SPIDR: variants seen among roughly 807,000 people sequenced by gnomAD.
SPIDR encodes the protein scaffold protein involved in DNA repair.
SPIDR carries 93 observed loss-of-function variants against 104.6 expected under a neutral mutation model. The observed-to-expected ratio is 0.89, with a 90% CI of 0.75 to 1.06. The LOEUF (loss-of-function observed/expected upper bound fraction) is 1.06, where lower values mean the gene tolerates loss of function less well. Ranked by LOEUF, SPIDR falls within the 50% of genes least tolerant of loss-of-function variation. The pLI is 0.00. For missense variants in SPIDR, 1,154 were observed against 1,111.2 expected (o/e 1.04, Z -0.55); for synonymous variants, 431 against 416.9 (o/e 1.03, Z -0.41).
At chr8:47,298,807 G>A (rs1233971367) in intron 5 of SPIDR, among the ~76,000 whole-genome samples, 59 of 152,178 alleles carry the variant, frequency 3.9e-4, no homozygotes, top group East Asian at 5.8e-4. Flanking sequence ...TGTTCCATTG[G>A]TCTATATCTC....
intron 12 of SPIDR, 133 bp from the exon 13 acceptor site, chr8:47,701,588 T>C (rs1409717243): frequency 2.4e-6 from 2 of 816,638 alleles, no homozygotes; most frequent in Non-Finnish European, 3.8e-6. Context: ...ATCCATTCCT[T>C]GTATAGCATT....
intron 16 of SPIDR, among the ~76,000 whole-genome samples, chr8:47,725,144 T>C (rs1411274160): frequency 6.6e-6 from 1 of 152,200 alleles, no homozygotes; most frequent in Non-Finnish European, 1.5e-5. Context: ...AAGAAATGTG[T>C]GCACCAGGCG....
chr8:47,647,616 A>AAGAGAGAGAGAGAGAG (rs369414271), intron 10 of SPIDR, among the ~76,000 whole-genome samples: 1,678 of 60,316 alleles, frequency 0.028, 83 homozygotes, highest in East Asian at 0.037. Flanking sequence ...TCCATCTCGA[A>AAGAGAGAGAGAGAGAG]AGAGAGAGAG....
chr8:47,571,933 G>T (rs1311263397), intron 8 of SPIDR, among the ~76,000 whole-genome samples: 1 of 152,132 alleles, frequency 6.6e-6, no homozygotes, highest in African/African-American at 2.4e-5. Flanking sequence ...GTGGATGAGA[G>T]AACACTGTAT....
intron 8 of SPIDR, among the ~76,000 whole-genome samples, chr8:47,509,455 G>C (rs1474773986): frequency 1.3e-5 from 2 of 152,178 alleles, no homozygotes; most frequent in African/African-American, 2.4e-5. Flanking sequence ...ACAGGGGGCT[G>C]TTAAACTATG....
chr8:47,478,935 C>T (rs782071489), intron 8 of SPIDR, among the ~76,000 whole-genome samples: 10 of 152,068 alleles, frequency 6.6e-5, no homozygotes, highest in African/African-American at 2.2e-4. Context: ...TCATCCAAGC[C>T]GTTCTTAGCT....
intron 7 of SPIDR, among the ~76,000 whole-genome samples, chr8:47,423,601 GA>G (rs565130746): frequency 6.7e-6 from 1 of 149,504 alleles, no homozygotes; most frequent in Non-Finnish European, 1.5e-5. Flanking sequence ...GACCCTGTCT[GA>G]AAAAAAAATA....
At position 47,586,198 on chromosome 8, in the gene SPIDR, T is replaced by C. The variant is rs1345807595; in HGVS notation, c.1098-9613T>C. Among the ~76,000 whole-genome samples the C allele has an allele frequency of 2.6e-5, 4 of 152,346 alleles. No individual in the cohort carries two copies. The East Asian group carries it at 5.8e-4, about 22-fold the overall frequency. On this transcript the variant is annotated intron_variant, in intron 8 of 19. Transcript: ENST00000297423. ...ATTAATAAAGCTGCTAACATTCATA[T>C]GTAGGTCTTCATATGAACATAAGTT...
intron 10 of SPIDR, among the ~76,000 whole-genome samples, chr8:47,620,331 G>T (rs897045356): frequency 2.8e-5 from 4 of 142,604 alleles, no homozygotes; most frequent in African/African-American, 1.1e-4. Flanking sequence ...CTGGAGTGCA[G>T]TGGCGTGATC....
At chr8:47,365,073 G>A (rs1345337480) in intron 5 of SPIDR, among the ~76,000 whole-genome samples, 1 of 152,224 alleles carries the variant, frequency 6.6e-6, no homozygotes, top group Non-Finnish European at 1.5e-5. Flanking sequence ...TGCATGGCTT[G>A]TTTCCTTCTG....
intron 8 of SPIDR, among the ~76,000 whole-genome samples, chr8:47,485,689 C>A (rs371775599): frequency 2.0e-5 from 3 of 152,152 alleles, no homozygotes; most frequent in Non-Finnish European, 4.4e-5. Flanking sequence ...CAGCATTTGC[C>A]GTTCTGCAAT....
chr8:47,402,028 T>C (rs1382121058), intron 6 of SPIDR, among the ~76,000 whole-genome samples: 1 of 152,214 alleles, frequency 6.6e-6, no homozygotes, highest in African/African-American at 2.4e-5. Context: ...CAAGAGAATA[T>C]ACATTCTTCT....
chr8:47,316,255 C>A (rs1300376484), intron 5 of SPIDR, among the ~76,000 whole-genome samples: 1 of 152,172 alleles, frequency 6.6e-6, no homozygotes, highest in African/African-American at 2.4e-5. Flanking sequence ...CAAGGAGGTG[C>A]TGCTTTACTT....
chr8:47,629,611 G>A (rs1167328350), intron 10 of SPIDR, among the ~76,000 whole-genome samples: 1 of 152,204 alleles, frequency 6.6e-6, no homozygotes, highest in African/African-American at 2.4e-5. Context: ...AAATTAGCTG[G>A]GTGTGGCGGC....
intron 7 of SPIDR, among the ~76,000 whole-genome samples, chr8:47,426,185 C>T (rs1467422337): frequency 6.6e-6 from 1 of 152,032 alleles, no homozygotes; most frequent in Non-Finnish European, 1.5e-5. Flanking sequence ...ACCCGGGAGG[C>T]GGAGTTTGCA....
At chr8:47,472,715 A>G (rs910023263) in intron 8 of SPIDR, among the ~76,000 whole-genome samples, 18 of 152,206 alleles carry the variant, frequency 1.2e-4, no homozygotes, top group Admixed American at 1.0e-3. Flanking sequence ...TTTTCATGCA[A>G]CAACCCAAGT....
intron 5 of SPIDR, among the ~76,000 whole-genome samples, chr8:47,328,322 T>C (rs1183871338): frequency 2.6e-5 from 4 of 151,600 alleles, no homozygotes; most frequent in Non-Finnish European, 5.9e-5. Context: ...GCAGTGGCAT[T>C]ATCATAGCTT....
At position 47,732,183 on chromosome 8, in the gene SPIDR, TTCTGGCTAAGG is replaced by T. The variant is rs772737894; in HGVS notation, c.2604+2720_2604+2730del. ...ATCCTCCTTCCTTCACTTGGTTTCC[TTCTGGCTAAGG>T]TGCTTGTTCCTCCTACACATTTAAC... On this transcript the variant is annotated intron_variant, in intron 19 of 19. Coordinates refer to ENST00000297423, the MANE Select transcript of SPIDR (RefSeq NM_001080394.4). 41 of 702,524 alleles carry T rather than the reference TTCTGGCTAAGG, an allele frequency of 5.8e-5. No individual in the cohort carries two copies. In the Middle Eastern group the frequency reaches 9.1e-4, roughly 16 times the overall value. 43.5% of individuals were successfully genotyped at this position (702,524 alleles called of 1,614,324 possible).
At chr8:47,732,090 C>A in intron 19 of SPIDR, 1 of 700,796 alleles carries the variant, frequency 1.4e-6, no homozygotes, top group Non-Finnish European at 2.6e-6. Flanking sequence ...CAGCAATGGA[C>A]AGTGCTTGAC....
Sources: gnomAD v4.1 joint callset for allele counts (sites outside exome capture counted in the v4.1 genomes callset) on GRCh38, gnomAD v4.1.1 for gene constraint, MANE v1.5 for transcripts, NCBI Gene and HGNC (gene_info 2026-07-23, HGNC 2026-07-21) for gene names.